The following ZNF644 variants were observed in gnomAD, a reference collection of about 807,000 sequenced individuals.
The protein encoded by ZNF644 is zinc finger protein 644.
In ZNF644, 20 loss-of-function variants were observed where a neutral mutation model predicts 108.0. That is an observed-to-expected ratio of 0.19 (90% CI 0.13 to 0.27). The LOEUF is 0.27. Among genes scored for constraint, ZNF644 ranks in the 10% least tolerant of loss-of-function variants. The pLI is 1.00. For synonymous variants in ZNF644, 542 were observed against 539.1 expected (o/e 1.01, Z -0.08); for missense variants, 1,338 against 1,548.9 (o/e 0.86, Z 2.29).
chr1:90,980,420 C>CG (rs1557625476), intron 2 of ZNF644, among the ~76,000 whole-genome samples: 1 of 152,106 alleles, frequency 6.6e-6, no homozygotes, highest in Non-Finnish European at 1.5e-5. Context: ...GGCATAGCTA[C>CG]GGTGAGATAA....
chr1:90,923,270 C>T (rs2100803612), intron 4 of ZNF644, among the ~76,000 whole-genome samples: 1 of 152,072 alleles, frequency 6.6e-6, no homozygotes, highest in South Asian at 2.1e-4. Flanking sequence ...AAATAGCAGC[C>T]CTGGGACCTG....
chr1:91,006,025 A>G (rs769232637), intron 1 of ZNF644, among the ~76,000 whole-genome samples: 7 of 152,146 alleles, frequency 4.6e-5, no homozygotes, highest in Non-Finnish European at 1.0e-4. Context: ...GAAAAGATTT[A>G]GATCACTACA....
intron 2 of ZNF644, among the ~76,000 whole-genome samples, chr1:90,980,800 G>A (rs1358199739): frequency 6.6e-6 from 1 of 152,070 alleles, no homozygotes; most frequent in Admixed American, 6.6e-5. Context: ...TTACTTCAGG[G>A]GAAAAGGCTA....
Position 90,916,498 on chromosome 1 carries a change from C to T in ZNF644, c.*300G>A, listed in dbSNP as rs545008919. ...AAACATAATTGTCCAATAAGTCTGT[C>T]TATAAGTATCCATGTGCAACAGTTT... On this transcript the variant is annotated 3_prime_UTR_variant, in exon 6 of 6. Transcript: ENST00000337393. 176 of 381,966 alleles carry T rather than the reference C, an allele frequency of 4.6e-4. 4 individuals carry two copies. The highest frequency in any genetic ancestry group is 4.4e-3 in the South Asian group (167 of 37,678). 23.7% of individuals were successfully genotyped at this position (381,966 alleles called of 1,614,324 possible). A position where few individuals can be genotyped will look rare whatever the true frequency, so the allele number is the denominator to read the frequency against.
rs1658730256 is a variant in ZNF644 at position 91,001,064 on chromosome 1, G to C, written c.-17-18694C>G. Among the ~76,000 whole-genome samples the C allele has an allele frequency of 2.6e-5, 4 of 152,250 alleles. No homozygotes were observed. The South Asian group carries it at 8.3e-4, about 32-fold the overall frequency. On this transcript the variant is annotated intron_variant, in intron 1 of 5. Transcript: ENST00000337393. ...ATTAATAGCCTACCAACCAAAGAAAGTCCAGGACCAGATGGGTTCACAGCC... is the reference window on the plus strand; with the variant it reads ...ATTAATAGCCTACCAACCAAAGAAACTCCAGGACCAGATGGGTTCACAGCC...
chr1:90,965,667 CA>C (rs1464751948), intron 2 of ZNF644, among the ~76,000 whole-genome samples: 1 of 151,990 alleles, frequency 6.6e-6, no homozygotes, highest in Non-Finnish European at 1.5e-5. Flanking sequence ...ATGTTATCAG[CA>C]AAAAAGGACT....
intron 1 of ZNF644, among the ~76,000 whole-genome samples, chr1:91,014,555 T>G (rs1660266206): frequency 6.6e-6 from 1 of 152,200 alleles, no homozygotes; most frequent in South Asian, 2.1e-4. Context: ...ATAGCATGAT[T>G]AAACCTGTAG....
chr1:90,938,233 C>A lies in ZNF644; in HGVS notation c.3082+39G>T. 6.2e-7 allele frequency: 1 copy of A among 1,613,854 alleles called. No homozygotes were observed. The highest frequency in any genetic ancestry group is 8.5e-7 in the Non-Finnish European group (1 of 1,179,786). On this transcript the variant is annotated intron_variant, in intron 3 of 5. Transcript: ENST00000337393. The surrounding 1 kb of genome is among the most constrained non-coding windows in gnomAD (Gnocchi z 4.2). ...CTTTTAAATCTTCAGAATTAGAACA[C>A]AGACCTATCAGCCCAAATCATCCCC...
At chr1:91,019,845 G>T (rs551508431) in intron 1 of ZNF644, among the ~76,000 whole-genome samples, 2 of 152,164 alleles carry the variant, frequency 1.3e-5, no homozygotes, top group Non-Finnish European at 2.9e-5. Flanking sequence ...GATTACAGGC[G>T]TGAGCCACCG....
At chr1:90,966,330 T>C (rs961685655) in intron 2 of ZNF644, among the ~76,000 whole-genome samples, 5 of 152,164 alleles carry the variant, frequency 3.3e-5, no homozygotes, top group Non-Finnish European at 7.4e-5. Flanking sequence ...TTTGTTTTTT[T>C]CTCCCCACTA....
chr1:90,969,789 T>C (rs886446106), intron 2 of ZNF644, among the ~76,000 whole-genome samples: 10 of 152,096 alleles, frequency 6.6e-5, no homozygotes, highest in African/African-American at 1.9e-4. Context: ...TATGTGTATG[T>C]AGGAAAAAAA....
At chr1:90,929,062 G>T (rs539680581) in intron 4 of ZNF644, among the ~76,000 whole-genome samples, 1 of 152,136 alleles carries the variant, frequency 6.6e-6, no homozygotes, top group South Asian at 2.1e-4. Flanking sequence ...TGGTTTTGTT[G>T]TTCTCTTGCA....
At chr1:90,946,797 TA>T (rs976785012) in intron 2 of ZNF644, among the ~76,000 whole-genome samples, 1 of 151,496 alleles carries the variant, frequency 6.6e-6, no homozygotes, top group Non-Finnish European at 1.5e-5. Context: ...AGATTGCCAT[TA>T]AAAAAAAGCA....
At chr1:90,998,473 GCAGC>G (rs1658403906) in intron 1 of ZNF644, among the ~76,000 whole-genome samples, 1 of 152,228 alleles carries the variant, frequency 6.6e-6, no homozygotes, top group South Asian at 2.1e-4. Flanking sequence ...CAACAGACCT[GCAGC>G]TGAGGGTCCT....
intron 1 of ZNF644, among the ~76,000 whole-genome samples, chr1:91,017,686 G>T (rs563875871): frequency 6.6e-6 from 1 of 152,336 alleles, no homozygotes; most frequent in Non-Finnish European, 1.5e-5. Flanking sequence ...CTACTGCCAG[G>T]TGCGGTGGCT....
chr1:90,976,205 A>G (rs1018642160), intron 2 of ZNF644, among the ~76,000 whole-genome samples: 1 of 152,030 alleles, frequency 6.6e-6, no homozygotes, highest in Admixed American at 6.6e-5. Context: ...CTTTTTTTCA[A>G]CTCTAAATGA....
Position 90,996,398 on chromosome 1 carries a change from T to C in ZNF644, c.-17-14028A>G, listed in dbSNP as rs570405009. ...GCTTGGAGCAATCTAGGAAGAGTGATAGATGGCTGAATCTTATTTGGGAAG... is the reference window on the plus strand; with the variant it reads ...GCTTGGAGCAATCTAGGAAGAGTGACAGATGGCTGAATCTTATTTGGGAAG... On this transcript the variant is annotated intron_variant, in intron 1 of 5. Transcript: ENST00000337393. Among the ~76,000 whole-genome samples the C allele has an allele frequency of 2.6e-5, 4 of 152,334 alleles. No individual in the cohort carries two copies. The South Asian group carries it at 6.2e-4, about 24-fold the overall frequency.
intron 2 of ZNF644, among the ~76,000 whole-genome samples, chr1:90,967,204 C>T (rs1329723117): frequency 6.6e-6 from 1 of 152,146 alleles, no homozygotes; most frequent in Non-Finnish European, 1.5e-5. Context: ...TGTTCCTCTT[C>T]ACCATAGGGC....
chr1:90,974,676 T>C (rs1486963646), intron 2 of ZNF644, among the ~76,000 whole-genome samples: 1 of 152,152 alleles, frequency 6.6e-6, no homozygotes, highest in Non-Finnish European at 1.5e-5. Flanking sequence ...TATCCCCACT[T>C]CTACCACTCT....
Sources: gnomAD v4.1 joint callset for allele counts (sites outside exome capture counted in the v4.1 genomes callset) on GRCh38, gnomAD v4.1.1 for gene constraint, Gnocchi (gnomAD v3.1) non-coding constraint, MANE v1.5 for transcripts, NCBI Gene and HGNC (gene_info 2026-07-23, HGNC 2026-07-21) for gene names.